Variants in SETX observed in about 807,000 individuals in gnomAD.
SETX encodes the protein senataxin.
A neutral mutation model predicts 227.2 loss-of-function variants in SETX; 90 were observed. That is an observed-to-expected ratio of 0.40 (90% confidence interval 0.33 to 0.47). The LOEUF (loss-of-function observed/expected upper bound fraction) is 0.47. Among genes scored for constraint, SETX ranks in the 20% least tolerant of loss-of-function variants. SETX has a pLI of 0.91. For missense variants in SETX, 3,052 were observed against 3,181.5 expected, an observed-to-expected ratio of 0.96 and a Z score of 0.98; for synonymous variants, 1,210 against 1,113.2, an observed-to-expected ratio of 1.09 and a Z score of -1.73.
intron 23 of SETX, among the ~76,000 whole-genome samples, chr9:132,272,185 T>C (rs1283152336): frequency 6.6e-6 from 1 of 152,032 alleles, no homozygotes; most frequent in Non-Finnish European, 1.5e-5. Flanking sequence ...TTTTGGTTTT[T>C]GACAGTCTAG....
chr9:132,307,273 T>C (rs546752795), intron 11 of SETX, among the ~76,000 whole-genome samples: 19 of 152,006 alleles, frequency 1.2e-4, no homozygotes, highest in South Asian at 2.1e-4. Flanking sequence ...ATAATAATAA[T>C]AACAACAATA....
At chr9:132,307,476 T>C (rs375108339) in intron 11 of SETX, among the ~76,000 whole-genome samples, 2 of 152,228 alleles carry the variant, frequency 1.3e-5, no homozygotes, top group Admixed American at 6.5e-5. Flanking sequence ...AACTAAAATA[T>C]AGCAAGGCTC....
intron 4 of SETX, among the ~76,000 whole-genome samples, chr9:132,345,880 G>A (rs769502093): frequency 2.6e-4 from 40 of 152,150 alleles, no homozygotes; most frequent in Non-Finnish European, 4.4e-4. Context: ...TTAGCTGGAC[G>A]CAATGGCACA....
intron 7 of SETX, 110 bp from the exon 8 acceptor site, chr9:132,331,558 A>G (rs1478065295): frequency 5.1e-6 from 6 of 1,177,702 alleles, no homozygotes; most frequent in African/African-American, 3.0e-5. Flanking sequence ...CCCAACTAAA[A>G]GCCAAGGAGC....
chr9:132,279,134 A>C (rs1205217113), intron 20 of SETX, among the ~76,000 whole-genome samples: 9 of 152,246 alleles, frequency 5.9e-5, no homozygotes, highest in African/African-American at 2.2e-4. Context: ...AATGGATTTC[A>C]CAAACCAAAT....
chr9:132,320,471 G>A (rs1286124055), intron 10 of SETX, among the ~76,000 whole-genome samples: 3 of 151,938 alleles, frequency 2.0e-5, no homozygotes, highest in African/African-American at 7.2e-5. Context: ...GCGGGCGCCT[G>A]TAATCCCAGC....
upstream of SETX, among the ~76,000 whole-genome samples, chr9:132,356,056 G>A (rs777523621): frequency 5.7e-4 from 86 of 151,868 alleles, no homozygotes; most frequent in Non-Finnish European, 1.1e-3. Flanking sequence ...GAGGCAGGGG[G>A]TGGATATCCA....
intron 23 of SETX, among the ~76,000 whole-genome samples, chr9:132,273,120 C>T (rs1396885783): frequency 2.0e-5 from 3 of 151,886 alleles, no homozygotes; most frequent in African/African-American, 7.3e-5. Context: ...AACACTAAGT[C>T]TTCCAGTCCA....
At chr9:132,287,279 G>C (rs907403744) in intron 17 of SETX, among the ~76,000 whole-genome samples, 2 of 152,092 alleles carry the variant, frequency 1.3e-5, no homozygotes, top group South Asian at 4.1e-4. Context: ...GAGGCAAGAA[G>C]TTCAGACCAC....
At chr9:132,281,407 A>C (rs887891241) in intron 20 of SETX, 60 bp downstream of exon 20, 1 of 1,317,022 alleles carries the variant, frequency 7.6e-7, no homozygotes, top group African/African-American at 1.5e-5. Context: ...CTCCCTCCTG[A>C]AAACAAAAAT....
At chr9:132,355,692 A>C (rs1848873711), upstream of SETX, among the ~76,000 whole-genome samples, 1 of 148,416 alleles carries the variant, frequency 6.7e-6, no homozygotes, top group Non-Finnish European at 1.5e-5. Flanking sequence ...AAAAATTAAA[A>C]CTCAGCCACC....
intron 15 of SETX, among the ~76,000 whole-genome samples, chr9:132,291,727 C>T (rs900139023): frequency 1.3e-5 from 2 of 152,114 alleles, no homozygotes; most frequent in African/African-American, 4.8e-5. Flanking sequence ...GCCTGGGTGT[C>T]TGTTTTGTTC....
chr9:132,354,815 C>G (rs1362589786), intron 1 of SETX, 102 bp downstream of exon 1: 1 of 152,284 alleles, frequency 6.6e-6, no homozygotes, highest in East Asian at 1.9e-4. Flanking sequence ...CCCACCGGGA[C>G]CTAGGCGCCG....
chr9:132,288,431 G>A, intron 16 of SETX, 80 bp from the exon 17 acceptor site: 2 of 1,410,382 alleles, frequency 1.4e-6, no homozygotes, highest in Admixed American at 3.7e-5. Context: ...CAATGAGAAG[G>A]AAAATTAGTT....
chr9:132,291,073 T>C (rs1159193665), intron 15 of SETX, among the ~76,000 whole-genome samples: 4 of 152,166 alleles, frequency 2.6e-5, no homozygotes, highest in Middle Eastern at 6.8e-3. Context: ...AATGGCTTAT[T>C]TTTAGTTATC....
At chr9:132,277,789 CAAAAAAAA>C (rs372125008) in intron 21 of SETX, among the ~76,000 whole-genome samples, 16 of 68,096 alleles carry the variant, frequency 2.3e-4, no homozygotes, top group Non-Finnish European at 3.0e-4. Context: ...ACCCTGTCTT[CAAAAAAAA>C]AAAAAAAAAA....
At chr9:132,277,457 A>G (rs1457935205) in intron 21 of SETX, among the ~76,000 whole-genome samples, 2 of 152,166 alleles carry the variant, frequency 1.3e-5, no homozygotes, top group Non-Finnish European at 2.9e-5. Context: ...AAAAATTTAA[A>G]AAGTAAAAAA....
At chr9:132,333,125 T>A (rs1250682960) in intron 7 of SETX, among the ~76,000 whole-genome samples, 1 of 151,174 alleles carries the variant, frequency 6.6e-6, no homozygotes, top group Non-Finnish European at 1.5e-5. Context: ...ATGCTTGTAA[T>A]CCCAACACTT....
intron 11 of SETX, among the ~76,000 whole-genome samples, chr9:132,307,250 T>C (rs1168792158): frequency 6.6e-6 from 1 of 151,792 alleles, no homozygotes; most frequent in Non-Finnish European, 1.5e-5. Context: ...CAAGACTCTG[T>C]CTCAAAAAAA....
Sources: allele counts gnomAD v4.1 joint callset (sites outside exome capture counted in the v4.1 genomes callset), GRCh38; gene constraint gnomAD v4.1.1; transcripts MANE v1.5; gene names NCBI Gene and HGNC (gene_info 2026-07-23, HGNC 2026-07-21).